The following DTNA variants were observed in gnomAD, a reference collection of about 807,000 sequenced individuals.
The protein encoded by DTNA is dystrobrevin alpha.
DTNA carries 43 observed loss-of-function variants against 100.7 expected under a neutral mutation model. That is an observed-to-expected ratio of 0.43 (90% CI 0.33 to 0.55). The LOEUF (loss-of-function observed/expected upper bound fraction) is 0.55. DTNA is among the 20% of genes least tolerant of loss of function. DTNA has a pLI of 0.04. For missense variants in DTNA, 798 were observed against 953.9 expected (o/e 0.84, Z 2.15); for synonymous variants, 349 against 347.9 (o/e 1.00, Z -0.04).
chr18:34,556,621 C>G (rs1197214434), intron 1 of DTNA, among the ~76,000 whole-genome samples: 1 of 151,992 alleles, frequency 6.6e-6, no homozygotes, highest in African/African-American at 2.4e-5. Flanking sequence ...ATTTCTCCTT[C>G]ACTTATGAAG....
intron 3 of DTNA, among the ~76,000 whole-genome samples, chr18:34,769,482 A>C (rs147031426): frequency 1.0e-3 from 153 of 152,296 alleles, no homozygotes; most frequent in African/African-American, 3.3e-3. Context: ...ATAAGAAACA[A>C]AATGTAGGTA....
intron 6 of DTNA, among the ~76,000 whole-genome samples, chr18:34,814,515 T>A (rs1173166094): frequency 6.7e-6 from 1 of 148,674 alleles, no homozygotes; most frequent in Non-Finnish European, 1.5e-5. Flanking sequence ...TAAGATCTCA[T>A]CTCTGAAAAA....
chr18:34,577,368 T>C (rs2048207249), intron 1 of DTNA, among the ~76,000 whole-genome samples: 1 of 152,214 alleles, frequency 6.6e-6, no homozygotes, highest in South Asian at 2.1e-4. Flanking sequence ...AAAGCATTTT[T>C]TATATAAACA....
chr18:34,525,951 A>G (rs2042571828), intron 1 of DTNA, among the ~76,000 whole-genome samples: 1 of 152,156 alleles, frequency 6.6e-6, no homozygotes, highest in Non-Finnish European at 1.5e-5. Flanking sequence ...TGCCTAGCTC[A>G]GTGCTCTTTC....
At chr18:34,587,861 G>A (rs185480460) in intron 1 of DTNA, among the ~76,000 whole-genome samples, 9 of 152,218 alleles carry the variant, frequency 5.9e-5, no homozygotes, top group Non-Finnish European at 1.3e-4. Context: ...GACTTTCCTA[G>A]TTTCAGCGCT....
chr18:34,518,125 G>C (rs1238916745), intron 1 of DTNA, among the ~76,000 whole-genome samples: 1 of 152,116 alleles, frequency 6.6e-6, no homozygotes. Context: ...TAGACATTCT[G>C]ATACATGTGT....
chr18:34,802,316 T>G (rs746071170), intron 4 of DTNA, among the ~76,000 whole-genome samples: 2 of 152,222 alleles, frequency 1.3e-5, no homozygotes, highest in African/African-American at 2.4e-5. Context: ...GCCAGAGACA[T>G]AGTCATTTTG....
At chr18:34,628,866 G>T (rs1359007628) in intron 1 of DTNA, among the ~76,000 whole-genome samples, 4 of 151,970 alleles carry the variant, frequency 2.6e-5, no homozygotes, top group African/African-American at 9.7e-5. Context: ...CATTTAAAAT[G>T]CATGCTATTC....
chr18:34,786,260 T>C (rs1293508029), intron 3 of DTNA, among the ~76,000 whole-genome samples: 2 of 152,332 alleles, frequency 1.3e-5, no homozygotes, highest in Admixed American at 1.3e-4. Flanking sequence ...TTCTACAAGC[T>C]AGCAAATGTA....
intron 1 of DTNA, among the ~76,000 whole-genome samples, chr18:34,698,768 C>G (rs1241070686): frequency 6.6e-6 from 1 of 152,084 alleles, no homozygotes; most frequent in Non-Finnish European, 1.5e-5. Flanking sequence ...CTAAAACAGT[C>G]TAATCTTTCC....
intron 1 of DTNA, among the ~76,000 whole-genome samples, chr18:34,670,044 C>G (rs2076525267): frequency 6.6e-6 from 1 of 152,180 alleles, no homozygotes; most frequent in African/African-American, 2.4e-5. Flanking sequence ...TTCCATTCTC[C>G]CCATCACTTT....
chr18:34,745,746 C>T (rs2091469207), intron 1 of DTNA, among the ~76,000 whole-genome samples: 1 of 152,170 alleles, frequency 6.6e-6, no homozygotes, highest in Admixed American at 6.5e-5. Context: ...ATAGTTGGCA[C>T]TCCCCATAAA....
chr18:34,885,822 T>C (rs1263246334), intron 22 of DTNA, among the ~76,000 whole-genome samples: 1 of 152,214 alleles, frequency 6.6e-6, no homozygotes, highest in Non-Finnish European at 1.5e-5. Flanking sequence ...CTTACCTAAG[T>C]GTACGGGAAA....
chr18:34,597,165 C>G (rs1457182044), intron 1 of DTNA, among the ~76,000 whole-genome samples: 5 of 152,088 alleles, frequency 3.3e-5, no homozygotes. Context: ...ATCCATGTCC[C>G]TGCAAAGGAC....
chr18:34,657,323 A>G (rs2074531358), intron 1 of DTNA, among the ~76,000 whole-genome samples: 1 of 152,188 alleles, frequency 6.6e-6, no homozygotes, highest in Admixed American at 6.5e-5. Context: ...TATTTCCCAA[A>G]TATGGTACTT....
At chr18:34,583,443 A>G (rs2048827281) in intron 1 of DTNA, among the ~76,000 whole-genome samples, 1 of 152,184 alleles carries the variant, frequency 6.6e-6, no homozygotes, top group South Asian at 2.1e-4. Context: ...GAGAATTACA[A>G]TTAAAATGGT....
chr18:34,824,468 G>A (rs2149493992), intron 9 of DTNA, among the ~76,000 whole-genome samples: 1 of 148,636 alleles, frequency 6.7e-6, no homozygotes, highest in South Asian at 2.1e-4. Flanking sequence ...AGAGCAAGAC[G>A]CCATCTCAAA....
chr18:34,845,685 G>A (rs912454741), intron 13 of DTNA, among the ~76,000 whole-genome samples: 1 of 152,154 alleles, frequency 6.6e-6, no homozygotes, highest in Non-Finnish European at 1.5e-5. Context: ...AGAAAAGACA[G>A]TGTAACTTTC....
intron 2 of DTNA, among the ~76,000 whole-genome samples, chr18:34,765,114 G>A (rs2093401901): frequency 6.6e-6 from 1 of 152,182 alleles, no homozygotes; most frequent in Non-Finnish European, 1.5e-5. Flanking sequence ...AAGCTGGAAA[G>A]AAACTGCAGA....
Sources: gnomAD v4.1 joint callset for allele counts (sites outside exome capture counted in the v4.1 genomes callset) on GRCh38, gnomAD v4.1.1 for gene constraint, MANE v1.5 for transcripts, NCBI Gene and HGNC (gene_info 2026-07-23, HGNC 2026-07-21) for gene names.